Variants in ATXN8OS observed in about 807,000 individuals in gnomAD.
The protein encoded by ATXN8OS is ATXN8 opposite strand (non-protein coding).
chr13:70,144,354 C>T (rs1044332563), intron 3 of ATXN8OS, among the ~76,000 whole-genome samples: 6 of 152,132 alleles, frequency 3.9e-5, no homozygotes, highest in Non-Finnish European at 7.4e-5. Context: ...ATTTTTTGAA[C>T]TTCTCTAATT....
At chr13:70,167,797 G>A (rs1295224412) in intron 4 of ATXN8OS, among the ~76,000 whole-genome samples, 5 of 142,958 alleles carry the variant, frequency 3.5e-5, no homozygotes, top group African/African-American at 5.3e-5. Context: ...GTGCAGTGGC[G>A]CGATCTCGGC....
At chr13:70,120,543 T>C (rs1269176313) in intron 2 of ATXN8OS, among the ~76,000 whole-genome samples, 2 of 152,172 alleles carry the variant, frequency 1.3e-5, no homozygotes, top group Non-Finnish European at 1.5e-5. Context: ...CATATAACCA[T>C]GCACTATAAA....
At chr13:70,169,445 TGCCACC>T (rs1414267066) in intron 4 of ATXN8OS, among the ~76,000 whole-genome samples, 1 of 151,952 alleles carries the variant, frequency 6.6e-6, no homozygotes, top group Non-Finnish European at 1.5e-5. Flanking sequence ...TACAGGCTCC[TGCCACC>T]GCCCCCAGTA....
At chr13:70,139,189 A>G in intron 3 of ATXN8OS, 2 of 421,130 alleles carry the variant, frequency 4.7e-6, no homozygotes, top group Admixed American at 4.1e-5. Flanking sequence ...GAGACATTCT[A>G]TAGTCTGTGT....
At chr13:70,120,814 C>T (rs1445228300) in intron 2 of ATXN8OS, among the ~76,000 whole-genome samples, 1 of 151,564 alleles carries the variant, frequency 6.6e-6, no homozygotes, top group Non-Finnish European at 1.5e-5. Context: ...AGCAAACTAT[C>T]ACAAGGACAA....
intron 4 of ATXN8OS, among the ~76,000 whole-genome samples, chr13:70,152,721 T>C (rs1888886499): frequency 6.6e-6 from 1 of 152,190 alleles, no homozygotes; most frequent in South Asian, 2.1e-4. Flanking sequence ...TATCTCTGTT[T>C]CAAATATTCT....
intron 3 of ATXN8OS, among the ~76,000 whole-genome samples, chr13:70,145,727 C>T (rs1359650251): frequency 6.6e-6 from 1 of 152,120 alleles, no homozygotes; most frequent in African/African-American, 2.4e-5. Flanking sequence ...GCTGAAGTTG[C>T]TTCTCAGCTT....
At chr13:70,139,359 A>ACTG in intron 3 of ATXN8OS, 1 of 571,974 alleles carries the variant, frequency 1.7e-6, no homozygotes, top group Admixed American at 3.0e-5. Flanking sequence ...CTTTACTACT[A>ACTG]CTACTACTAC....
At position 70,142,823 on chromosome 13, in the gene ATXN8OS, C is replaced by G. The variant is rs528220226; in HGVS notation, n.500-4532C>G. Among the ~76,000 whole-genome samples, 8 of 152,280 alleles carry G rather than the reference C, an allele frequency of 5.3e-5. No individual in the cohort carries two copies. The East Asian group carries it at 1.5e-3, about 29-fold the overall frequency. On this transcript the variant is annotated intron_variant and non_coding_transcript_variant, in intron 3 of 4. Transcript: ENST00000678624. ...GCCGCAGGGCTCATGCCTGTAATCC[C>G]AGCACTTTGGGAGCCCGAGGCGGGA...
intron 4 of ATXN8OS, among the ~76,000 whole-genome samples, chr13:70,155,754 G>A (rs545527488): frequency 4.0e-4 from 59 of 145,694 alleles, no homozygotes; most frequent in African/African-American, 1.4e-3. Flanking sequence ...AGGATCTGAG[G>A]ATACTTTACA....
chr13:70,171,378 C>G (rs1860463187), exon 5 of ATXN8OS, among the ~76,000 whole-genome samples: 1 of 152,108 alleles, frequency 6.6e-6, no homozygotes, highest in Non-Finnish European at 1.5e-5. Flanking sequence ...TAGCACTTAG[C>G]ATGAATAGAG....
intron 3 of ATXN8OS, among the ~76,000 whole-genome samples, chr13:70,145,256 T>C (rs1275844575): frequency 6.6e-6 from 1 of 152,170 alleles, no homozygotes; most frequent in Non-Finnish European, 1.5e-5. Context: ...TACTGTAGCC[T>C]TGTAGTATAG....
chr13:70,160,373 A>G (rs986878287), intron 4 of ATXN8OS, among the ~76,000 whole-genome samples: 1 of 151,856 alleles, frequency 6.6e-6, no homozygotes, highest in African/African-American at 2.4e-5. Context: ...ACAGAAATGT[A>G]TTTCTCACAG....
intron 3 of ATXN8OS, among the ~76,000 whole-genome samples, chr13:70,130,154 A>G (rs1449783655): frequency 6.6e-6 from 1 of 152,190 alleles, no homozygotes; most frequent in Admixed American, 6.5e-5. Flanking sequence ...ATTCTTAGTA[A>G]GAGGAAAGAC....
intron 4 of ATXN8OS, among the ~76,000 whole-genome samples, chr13:70,159,678 G>A (rs570126780): frequency 1.1e-4 from 17 of 152,162 alleles, no homozygotes; most frequent in African/African-American, 3.6e-4. Flanking sequence ...ATTCCATGGC[G>A]CTGTCTTTGT....
At chr13:70,133,488 C>T (rs1269431654) in intron 3 of ATXN8OS, among the ~76,000 whole-genome samples, 1 of 152,090 alleles carries the variant, frequency 6.6e-6, no homozygotes, top group African/African-American at 2.4e-5. Flanking sequence ...CTGTGTTTCC[C>T]CACAAAGATA....
At chr13:70,113,235 A>T (rs895455331) in intron 1 of ATXN8OS, among the ~76,000 whole-genome samples, 3 of 152,052 alleles carry the variant, frequency 2.0e-5, no homozygotes, top group Non-Finnish European at 4.4e-5. Flanking sequence ...TGTGATTTTT[A>T]AAACACTTTC....
At chr13:70,126,883 T>C (rs1888445318) in intron 2 of ATXN8OS, among the ~76,000 whole-genome samples, 2 of 151,550 alleles carry the variant, frequency 1.3e-5, no homozygotes, top group African/African-American at 2.4e-5. Flanking sequence ...ATTTATAGAG[T>C]TTTCTATAGA....
At chr13:70,171,472 A>G (rs1303740957) in exon 5 of ATXN8OS, among the ~76,000 whole-genome samples, 2 of 152,104 alleles carry the variant, frequency 1.3e-5, no homozygotes, top group East Asian at 1.9e-4. Flanking sequence ...AATTGTGTAC[A>G]TTTTAATAAG....
Sources: allele counts gnomAD v4.1 joint callset (sites outside exome capture counted in the v4.1 genomes callset), GRCh38; gene constraint gnomAD v4.1.1; transcripts MANE v1.5; gene names NCBI Gene and HGNC (gene_info 2026-07-23, HGNC 2026-07-21).